NBEA: variants seen among roughly 807,000 people sequenced by gnomAD.
The protein encoded by NBEA is neurobeachin.
A neutral mutation model predicts 343.4 loss-of-function variants in NBEA; 44 were observed. The ratio of observed to expected loss-of-function variants is 0.13; its 90% CI spans 0.10 to 0.16. NBEA has a LOEUF of 0.16. Ranked by LOEUF, NBEA falls within the 10% of genes least tolerant of loss-of-function variation. The pLI is 1.00. For missense variants in NBEA, 2,555 were observed against 3,631.3 expected, an observed-to-expected ratio of 0.70 and a Z score of 7.62; for synonymous variants, 1,175 against 1,238.7, an observed-to-expected ratio of 0.95 and a Z score of 1.08.
At chr13:34,961,588 A>G (rs1222858541) in intron 1 of NBEA, among the ~76,000 whole-genome samples, 1 of 152,068 alleles carries the variant, frequency 6.6e-6, no homozygotes, top group Non-Finnish European at 1.5e-5. Context: ...ACAAACTTTT[A>G]TTGATTACTT....
intron 48 of NBEA, among the ~76,000 whole-genome samples, chr13:35,625,369 C>T (rs533731808): frequency 1.3e-5 from 2 of 152,236 alleles, no homozygotes; most frequent in African/African-American, 2.4e-5. Flanking sequence ...GTAATTCCAG[C>T]ACTTTGGGAG....
intron 38 of NBEA, among the ~76,000 whole-genome samples, chr13:35,355,823 C>CA (rs541325399): frequency 2.9e-4 from 43 of 148,016 alleles, no homozygotes; most frequent in South Asian, 8.5e-4. Context: ...GATACCATCT[C>CA]AAAAAAAAAA....
At position 35,642,116 on chromosome 13, in the gene NBEA, T is replaced by C. The variant is rs117243555; in HGVS notation, c.7618-3753T>C. On this transcript the variant is annotated intron_variant, in intron 49 of 58. Transcript: ENST00000379939. ...ATTTGTGAAACATCAAACGTTTTGTTAGCCACATTTGTTTTAAAAAATCTA... is the reference window on the plus strand; with the variant it reads ...ATTTGTGAAACATCAAACGTTTTGTCAGCCACATTTGTTTTAAAAAATCTA... Among the ~76,000 whole-genome samples the C allele has an allele frequency of 8.4e-3, 1,281 of 152,312 alleles. 9 individuals carry two copies. Among genetic ancestry groups the C allele is most frequent in the Non-Finnish European group, 0.012 (792 of 68,030 alleles).
intron 10 of NBEA, among the ~76,000 whole-genome samples, chr13:35,092,334 C>T (rs549560763): frequency 3.3e-5 from 5 of 151,820 alleles, no homozygotes; most frequent in South Asian, 4.1e-4. Flanking sequence ...TTAGTTGTGA[C>T]GACGAAAGCA....
In NBEA at chr13:35,159,700, C is replaced by T. The variant is rs764014574; in HGVS notation, c.3529C>T (p.His1177Tyr). ...IIPNIQDTQV[H>Y]LGVSDDLGLL... is the part of the protein sequence containing the mutation. ...TCCAAATATTCAGGACACACAAGTA[C>T]ATCTTGGTGTTAGTGATGATCTTGG... Residue 1177 changes from histidine to tyrosine, a missense_variant, in exon 22 of 59, where the codon CAT (histidine) becomes TAT (tyrosine). Coordinates refer to ENST00000379939, the MANE Select transcript of NBEA (RefSeq NM_001385012.1). 6.2e-7 allele frequency: 1 copy of T among 1,612,910 alleles called. No homozygotes were observed. The highest frequency in any genetic ancestry group is 8.5e-7 in the Non-Finnish European group (1 of 1,179,462).
Position 35,373,463 on chromosome 13 carries a change from T to C in NBEA, c.6179+21140T>C, listed in dbSNP as rs530591198. ...GCTTACACCTGTAATCCCAGCACTT[T>C]GGGAGATCGAGGCAGGCAATTGCTT... On this transcript the variant is annotated intron_variant, in intron 38 of 58. Coordinates refer to ENST00000379939, the MANE Select transcript of NBEA (RefSeq NM_001385012.1). 1.8e-4 allele frequency among the ~76,000 whole-genome samples: 28 copies of C among 152,238 alleles called. 1 individual carries two copies. The South Asian group carries it at 5.4e-3, about 29-fold the overall frequency.
At chr13:35,624,886 A>G (rs1328007520) in intron 48 of NBEA, among the ~76,000 whole-genome samples, 1 of 152,274 alleles carries the variant, frequency 6.6e-6, no homozygotes, top group East Asian at 1.9e-4. Flanking sequence ...TATGTAGATT[A>G]TGATATTATC....
chr13:35,461,496 C>T (rs1283177633), intron 40 of NBEA, among the ~76,000 whole-genome samples: 1 of 152,152 alleles, frequency 6.6e-6, no homozygotes, highest in Admixed American at 6.5e-5. Context: ...ACTAAGCTTT[C>T]ATGGTTGTTT....
intron 41 of NBEA, among the ~76,000 whole-genome samples, chr13:35,522,475 CAAAAAAAAAAA>C (rs138270833): frequency 5.0e-4 from 21 of 42,036 alleles, no homozygotes; most frequent in Non-Finnish European, 2.8e-4. Flanking sequence ...ATACCATCTC[CAAAAAAAAAAA>C]AAAAAAAAAA....
At chr13:35,111,862 G>A (rs61947419) in intron 13 of NBEA, among the ~76,000 whole-genome samples, 1,714 of 149,040 alleles carry the variant, frequency 0.012, 19 homozygotes, top group Non-Finnish European at 0.015. Flanking sequence ...CAATAGCATT[G>A]AATATTATAG....
intron 30 of NBEA, among the ~76,000 whole-genome samples, chr13:35,194,837 A>G (rs145719736): frequency 1.2e-4 from 19 of 152,234 alleles, no homozygotes; most frequent in African/African-American, 4.3e-4. Flanking sequence ...AGTTGTTAAT[A>G]TTATATGTGT....
chr13:35,219,454 G>T (rs1358881500), intron 33 of NBEA, among the ~76,000 whole-genome samples: 1 of 152,104 alleles, frequency 6.6e-6, no homozygotes, highest in Non-Finnish European at 1.5e-5. Context: ...TAGGGCATGA[G>T]AATTTAGGGC....
intron 38 of NBEA, among the ~76,000 whole-genome samples, chr13:35,362,695 A>G (rs2040880229): frequency 6.6e-6 from 1 of 151,994 alleles, no homozygotes; most frequent in South Asian, 2.1e-4. Context: ...ACAGAAGGCT[A>G]TGTTATAGTT....
chr13:35,123,704 G>T (rs1265235196), intron 17 of NBEA, 130 bp downstream of exon 17: 1 of 418,004 alleles, frequency 2.4e-6, no homozygotes, highest in Non-Finnish European at 4.1e-6. Context: ...GCTTTCTGTG[G>T]TAGAAATTGT....
chr13:35,317,337 C>G (rs1390589284), intron 36 of NBEA, among the ~76,000 whole-genome samples: 3 of 152,084 alleles, frequency 2.0e-5, no homozygotes, highest in Admixed American at 6.5e-5. Flanking sequence ...GCCAGTTTTC[C>G]CAGCACCATT....
chr13:35,255,307 G>A (rs999143841), intron 34 of NBEA, among the ~76,000 whole-genome samples: 1 of 152,230 alleles, frequency 6.6e-6, no homozygotes, highest in Non-Finnish European at 1.5e-5. Context: ...CACTTTGCCA[G>A]CCAGAAACCT....
intron 23 of NBEA, among the ~76,000 whole-genome samples, chr13:35,163,390 A>G (rs551779791): frequency 1.6e-4 from 24 of 152,030 alleles, no homozygotes; most frequent in Non-Finnish European, 2.9e-4. Context: ...GTGGTGGCTC[A>G]CACCTATAAT....
chr13:35,309,506 T>G (rs761495786), intron 35 of NBEA, 22 bp from the exon 36 acceptor site: 4 of 1,513,632 alleles, frequency 2.6e-6, no homozygotes, highest in South Asian at 2.4e-5. Flanking sequence ...TTTCTCACGT[T>G]TGTTTTGGTT....
At chr13:35,213,119 C>T (rs764929616) in intron 33 of NBEA, among the ~76,000 whole-genome samples, 3 of 151,836 alleles carry the variant, frequency 2.0e-5, no homozygotes, top group Non-Finnish European at 4.4e-5. Context: ...TTATTCTTTG[C>T]TTTTTATATT....
Sources: gnomAD v4.1 joint callset for allele counts (sites outside exome capture counted in the v4.1 genomes callset) on GRCh38, gnomAD v4.1.1 for gene constraint, MANE v1.5 for transcripts, NCBI Gene and HGNC (gene_info 2026-07-23, HGNC 2026-07-21) for gene names.